The following KIRREL3 variants were observed in gnomAD, a reference collection of about 807,000 sequenced individuals.
The protein encoded by KIRREL3 is kin of IRRE-like protein 3.
KIRREL3 carries 36 observed loss-of-function variants against 89.7 expected under a neutral mutation model. That is an observed-to-expected ratio of 0.40 (90% CI 0.31 to 0.53). The LOEUF is 0.53. Ranked by LOEUF, KIRREL3 falls within the 20% of genes least tolerant of loss-of-function variation. KIRREL3 has a pLI of 0.49. For missense variants in KIRREL3, 864 were observed against 1,056.6 expected (o/e 0.82, Z 2.53); for synonymous variants, 445 against 441.4 (o/e 1.01, Z -0.10).
At chr11:126,600,389 G>A (rs1370767169) in intron 1 of KIRREL3, among the ~76,000 whole-genome samples, 2 of 152,212 alleles carry the variant, frequency 1.3e-5, no homozygotes, top group Admixed American at 6.5e-5. Flanking sequence ...CATATATTTA[G>A]AGGTAATAAA....
intron 1 of KIRREL3, among the ~76,000 whole-genome samples, chr11:126,986,678 C>T (rs1199746133): frequency 3.9e-5 from 6 of 152,178 alleles, no homozygotes; most frequent in Non-Finnish European, 4.4e-5. Flanking sequence ...ATGTCAGTGA[C>T]GGATTGGCAT....
intron 1 of KIRREL3, among the ~76,000 whole-genome samples, chr11:126,869,459 C>G (rs1486473137): frequency 1.3e-5 from 2 of 152,156 alleles, no homozygotes; most frequent in East Asian, 1.9e-4. Flanking sequence ...ATTGCAGGGT[C>G]TATTTCTGGG....
chr11:126,496,748 T>C lies in KIRREL3; in HGVS notation c.434-23282A>G, dbSNP rs1957666775. On this transcript the variant is annotated intron_variant, in intron 4 of 16. Transcript: ENST00000525144. This position sits in a 1 kb window ranked among gnomAD's most constrained non-coding sequence, Gnocchi z 4.9. Reference sequence around the variant, plus strand: ...AATGTTGGAGGGCCTGCGTGCGAACTCAAGGCCTGAGGCTGTAGGCAGGGA... The same window carrying C: ...AATGTTGGAGGGCCTGCGTGCGAACCCAAGGCCTGAGGCTGTAGGCAGGGA... 6.6e-6 allele frequency among the ~76,000 whole-genome samples: 1 copy of C among 151,862 alleles called. No individual in the cohort carries two copies. Among genetic ancestry groups the C allele is most frequent in the African/African-American group, 2.4e-5 (1 of 41,216 alleles).
At chr11:126,894,889 C>T (rs1200682633) in intron 1 of KIRREL3, among the ~76,000 whole-genome samples, 1 of 152,092 alleles carries the variant, frequency 6.6e-6, no homozygotes, top group African/African-American at 2.4e-5. Context: ...TGAGGGATGA[C>T]CAGAAATGAC....
chr11:126,726,519 C>A (rs4489759), intron 1 of KIRREL3, among the ~76,000 whole-genome samples: 1 of 152,050 alleles, frequency 6.6e-6, no homozygotes, highest in Non-Finnish European at 1.5e-5. Context: ...AGGCATGCAC[C>A]GCCACGCCTG....
At chr11:126,910,200 C>G (rs1217910723) in intron 1 of KIRREL3, among the ~76,000 whole-genome samples, 5 of 152,126 alleles carry the variant, frequency 3.3e-5, no homozygotes, top group Non-Finnish European at 7.3e-5. Flanking sequence ...AATCTCAGGA[C>G]TTCCTGGAGG....
intron 1 of KIRREL3, among the ~76,000 whole-genome samples, chr11:126,842,288 T>C (rs1943989585): frequency 1.3e-5 from 2 of 152,248 alleles, no homozygotes; most frequent in South Asian, 2.1e-4. Flanking sequence ...CAATCGGCCA[T>C]GTATGAACTT....
intron 9 of KIRREL3, 81 bp downstream of exon 9, chr11:126,446,678 G>A (rs1345361782): frequency 5.6e-6 from 8 of 1,419,378 alleles, no homozygotes; most frequent in Admixed American, 2.1e-5. Context: ...ATAGTGAGAG[G>A]GGCCTGGGCA....
upstream of KIRREL3, among the ~76,000 whole-genome samples, chr11:127,001,356 T>C (rs1950312388): frequency 6.6e-6 from 1 of 151,212 alleles, no homozygotes; most frequent in African/African-American, 2.4e-5. Flanking sequence ...ATTTGGATCT[T>C]AGTTTGCTTT....
At position 126,575,971 on chromosome 11, in the gene KIRREL3, G is replaced by A. The variant is rs1175365355; in HGVS notation, c.56-13059C>T. ...GAGACTCCCTTATAGATGCGACCACGGTTTTGAATTTTTGCTCCAACCCTC... is the reference window on the plus strand; with the variant it reads ...GAGACTCCCTTATAGATGCGACCACAGTTTTGAATTTTTGCTCCAACCCTC... On this transcript the variant is annotated intron_variant, in intron 1 of 16. Coordinates refer to ENST00000525144, the MANE Select transcript of KIRREL3 (RefSeq NM_032531.4). This position sits in a 1 kb window ranked among gnomAD's most constrained non-coding sequence, Gnocchi z 7.0. Among the ~76,000 whole-genome samples, 1 of 152,080 alleles carries A rather than the reference G, an allele frequency of 6.6e-6. No individual in the cohort carries two copies. Among genetic ancestry groups the A allele is most frequent in the African/African-American group, 2.4e-5 (1 of 41,388 alleles).
At chr11:126,602,116 C>G (rs1358650946) in intron 1 of KIRREL3, among the ~76,000 whole-genome samples, 1 of 152,190 alleles carries the variant, frequency 6.6e-6, no homozygotes, top group Non-Finnish European at 1.5e-5. Context: ...AAAACAAAGT[C>G]TTTCCCCAGG....
At chr11:126,933,137 A>G (rs990289932) in intron 1 of KIRREL3, among the ~76,000 whole-genome samples, 1 of 152,184 alleles carries the variant, frequency 6.6e-6, no homozygotes, top group Non-Finnish European at 1.5e-5. Context: ...AATTAATTGG[A>G]AGGGAACAAA....
rs985001503 is a variant in KIRREL3, at chr11:126,974,187, C to T, written c.55+26268G>A. Among the ~76,000 whole-genome samples the T allele has an allele frequency of 6.6e-5, 10 of 152,284 alleles. No homozygotes were observed. In the South Asian group the frequency reaches 1.4e-3, roughly 22 times the overall value. ...CATGCTTCCACAGACTTGTCCATCT[C>T]TTTGTTTCAAATGTTTACTCCTCTT... On this transcript the variant is annotated intron_variant, in intron 1 of 16. Coordinates refer to ENST00000525144, the MANE Select transcript of KIRREL3 (RefSeq NM_032531.4).
chr11:126,799,560 AAAG>A (rs1268875499), intron 1 of KIRREL3, among the ~76,000 whole-genome samples: 2 of 23,644 alleles, frequency 8.5e-5, no homozygotes, highest in African/African-American at 1.4e-4. Flanking sequence ...GAGCTTGGGG[AAAG>A]AAGGTGAGAC....
In KIRREL3 at chr11:126,752,290, A is replaced by G. The variant is rs377406800; in HGVS notation, c.56-189378T>C. Among the ~76,000 whole-genome samples, 149 of 152,196 alleles carry G rather than the reference A, an allele frequency of 9.8e-4. 1 individual carries two copies. In the South Asian group the frequency reaches 0.029, roughly 30 times the overall value. ...ATGGGTCTTGGGTTTTGAAACTATC[A>G]TTAGGAACTTCCTCACTTTTGGATT... On this transcript the variant is annotated intron_variant, in intron 1 of 16. Coordinates refer to ENST00000525144, the MANE Select transcript of KIRREL3 (RefSeq NM_032531.4). This position sits in a 1 kb window ranked among gnomAD's most constrained non-coding sequence, Gnocchi z 4.8.
chr11:126,472,408 C>T (rs1211520507), intron 5 of KIRREL3, among the ~76,000 whole-genome samples: 1 of 152,246 alleles, frequency 6.6e-6, no homozygotes, highest in South Asian at 2.1e-4. Context: ...TCACTGTGTC[C>T]TCACAATGTG....
intron 1 of KIRREL3, chr11:126,992,393 C>T (rs551942686): frequency 6.6e-6 from 1 of 152,326 alleles, no homozygotes; most frequent in African/African-American, 2.4e-5. Context: ...CAGCCTTAGA[C>T]TTGAGACTTA....
chr11:126,707,607 G>A (rs959517892), intron 1 of KIRREL3, among the ~76,000 whole-genome samples: 4 of 152,170 alleles, frequency 2.6e-5, no homozygotes, highest in African/African-American at 4.8e-5. Flanking sequence ...CATTTCCTCT[G>A]AGTCTGCTGT....
At position 126,608,490 on chromosome 11, in the gene KIRREL3, G is replaced by T. The variant is rs555968470; in HGVS notation, c.56-45578C>A. Among the ~76,000 whole-genome samples, 2 of 152,090 alleles carry T rather than the reference G, an allele frequency of 1.3e-5. No homozygotes were observed. Among genetic ancestry groups the T allele is most frequent in the Admixed American group, 6.5e-5 (1 of 15,290 alleles). On this transcript the variant is annotated intron_variant, in intron 1 of 16. Transcript: ENST00000525144. The surrounding 1 kb of genome is among the most constrained non-coding windows in gnomAD (Gnocchi z 4.9). The stretch of plus-strand genomic sequence containing the variant: ...TCTGTCTGTGGGAGGTGCGCGTCTG[G>T]CATTCCTCCAGTGCGTTCCCAGGCA...
Sources: allele counts gnomAD v4.1 joint callset (sites outside exome capture counted in the v4.1 genomes callset), GRCh38; gene constraint gnomAD v4.1.1; non-coding constraint Gnocchi (gnomAD v3.1); transcripts MANE v1.5; gene names NCBI Gene and HGNC (gene_info 2026-07-23, HGNC 2026-07-21).